Variants in CDH18 observed in about 807,000 individuals in gnomAD.
CDH18 encodes cadherin-18.
A neutral mutation model predicts 67.9 loss-of-function variants in CDH18; 31 were observed. The ratio of observed to expected loss-of-function variants is 0.46; its 90% CI spans 0.34 to 0.62. CDH18 has a LOEUF of 0.62. CDH18 is among the 20% of genes least tolerant of loss of function. The pLI, the probability that CDH18 is intolerant of heterozygous loss-of-function variation, is 0.01. For missense variants in CDH18, 890 were observed against 975.5 expected (o/e 0.91, Z 1.17); for synonymous variants, 362 against 347.2 (o/e 1.04, Z -0.48).
At chr5:20,570,840 G>A (rs932391482) in intron 1 of CDH18, among the ~76,000 whole-genome samples, 1 of 152,056 alleles carries the variant, frequency 6.6e-6, no homozygotes, top group African/African-American at 2.4e-5. Flanking sequence ...ACTATACCCA[G>A]ATATACACAC....
At chr5:20,418,456 T>C (rs1747534475) in intron 1 of CDH18, among the ~76,000 whole-genome samples, 1 of 151,514 alleles carries the variant, frequency 6.6e-6, no homozygotes, top group Admixed American at 6.6e-5. Flanking sequence ...GGAGAGTCGG[T>C]TAAACACATG....
At chr5:20,508,621 GT>G (rs1754809562) in intron 1 of CDH18, among the ~76,000 whole-genome samples, 1 of 151,768 alleles carries the variant, frequency 6.6e-6, no homozygotes, top group Non-Finnish European at 1.5e-5. Context: ...AAAGAAATAA[GT>G]TGATTAACAT....
At chr5:19,484,325 A>G (rs187088821) in intron 11 of CDH18, among the ~76,000 whole-genome samples, 272 of 152,322 alleles carry the variant, frequency 1.8e-3, no homozygotes, top group Non-Finnish European at 2.9e-3. Flanking sequence ...TTAGTTGCCC[A>G]AAATCACAAA....
At chr5:20,548,011 T>C (rs1428732) in intron 1 of CDH18, among the ~76,000 whole-genome samples, 66,735 of 151,286 alleles carry the variant, frequency 0.44, 15,147 homozygotes, top group East Asian at 0.57. Flanking sequence ...ATTCAGTAAG[T>C]AGAAAATATA....
At chr5:19,904,525 T>C (rs1013042355) in intron 2 of CDH18, among the ~76,000 whole-genome samples, 20 of 152,066 alleles carry the variant, frequency 1.3e-4, no homozygotes, top group Non-Finnish European at 1.8e-4. Flanking sequence ...GGAAATGTTA[T>C]TATCAGAGAA....
At chr5:20,425,285 T>C (rs1391418801) in intron 1 of CDH18, among the ~76,000 whole-genome samples, 1 of 150,492 alleles carries the variant, frequency 6.6e-6, no homozygotes, top group African/African-American at 2.5e-5. Context: ...GCAGGAGAAT[T>C]GCTTCAACAT....
intron 1 of CDH18, among the ~76,000 whole-genome samples, chr5:20,484,710 C>T (rs1753052418): frequency 6.6e-6 from 1 of 151,846 alleles, no homozygotes; most frequent in Admixed American, 6.6e-5. Flanking sequence ...AAGAAAAGTT[C>T]CAGATGTTCT....
At chr5:20,518,726 C>G (rs530093305) in intron 1 of CDH18, among the ~76,000 whole-genome samples, 2 of 152,234 alleles carry the variant, frequency 1.3e-5, no homozygotes, top group East Asian at 3.9e-4. Context: ...GAGCCAAATC[C>G]CTTACTAAGA....
intron 2 of CDH18, among the ~76,000 whole-genome samples, chr5:20,214,285 T>C (rs1388094586): frequency 6.6e-6 from 1 of 152,006 alleles, no homozygotes. Context: ...ATTTTATAGA[T>C]TCAGTACTGG....
chr5:20,021,062 A>C (rs896405107), intron 2 of CDH18, among the ~76,000 whole-genome samples: 2 of 151,924 alleles, frequency 1.3e-5, no homozygotes, highest in Non-Finnish European at 2.9e-5. Flanking sequence ...ATGGAGTCAA[A>C]GGAGATTATT....
chr5:20,312,834 G>C (rs556346092), intron 1 of CDH18, among the ~76,000 whole-genome samples: 1 of 151,858 alleles, frequency 6.6e-6, no homozygotes, highest in East Asian at 1.9e-4. Context: ...ATTCACCATA[G>C]TTTTTCCTGT....
At chr5:20,260,671 G>T (rs561639209) in intron 1 of CDH18, among the ~76,000 whole-genome samples, 1 of 152,212 alleles carries the variant, frequency 6.6e-6, no homozygotes, top group South Asian at 2.1e-4. Flanking sequence ...AATATGATGG[G>T]ATAGTCAGCC....
chr5:20,541,984 CA>C (rs757735952), intron 1 of CDH18, among the ~76,000 whole-genome samples: 5 of 152,184 alleles, frequency 3.3e-5, no homozygotes, highest in Admixed American at 6.5e-5. Context: ...CTCGCTCTGT[CA>C]CCCAGGCCGG....
chr5:19,868,739 G>A (rs1384096579), intron 2 of CDH18, among the ~76,000 whole-genome samples: 1 of 152,094 alleles, frequency 6.6e-6, no homozygotes, highest in Non-Finnish European at 1.5e-5. Context: ...CCTCCCCAGT[G>A]CTCAATCCTG....
intron 1 of CDH18, among the ~76,000 whole-genome samples, chr5:20,461,294 T>C (rs374089743): frequency 1.1e-3 from 172 of 152,318 alleles, no homozygotes; most frequent in African/African-American, 4.1e-3. Context: ...TGTAAATTAT[T>C]TCCTTTGTTT....
intron 2 of CDH18, among the ~76,000 whole-genome samples, chr5:19,943,031 C>CT (rs1275968364): frequency 6.6e-6 from 1 of 152,080 alleles, no homozygotes; most frequent in African/African-American, 2.4e-5. Context: ...GAGCTTAGTT[C>CT]TATCTAGCTG....
chr5:19,516,828 GT>G (rs1220154501), intron 10 of CDH18, among the ~76,000 whole-genome samples: 1 of 151,844 alleles, frequency 6.6e-6, no homozygotes, highest in Non-Finnish European at 1.5e-5. Flanking sequence ...TTTTTTGAAG[GT>G]TTTTTGTGTC....
At chr5:19,600,686 A>G (rs1746986585) in intron 6 of CDH18, among the ~76,000 whole-genome samples, 1 of 152,062 alleles carries the variant, frequency 6.6e-6, no homozygotes, top group African/African-American at 2.4e-5. Flanking sequence ...TAGAAAGTAC[A>G]TGGGGAGAAA....
At chr5:19,477,956 G>A (rs971826613) in intron 12 of CDH18, among the ~76,000 whole-genome samples, 1 of 151,858 alleles carries the variant, frequency 6.6e-6, no homozygotes, top group Non-Finnish European at 1.5e-5. Context: ...TTTATCCTTG[G>A]TTAGTGAATT....
Sources: gnomAD v4.1 joint callset for allele counts (sites outside exome capture counted in the v4.1 genomes callset) on GRCh38, gnomAD v4.1.1 for gene constraint, MANE v1.5 for transcripts, NCBI Gene and HGNC (gene_info 2026-07-23, HGNC 2026-07-21) for gene names.